ENPEP: variants seen among roughly 807,000 people sequenced by gnomAD.
ENPEP encodes AP-A.
In ENPEP, 103 loss-of-function variants were observed where a neutral mutation model predicts 114.5. The ratio of observed to expected loss-of-function variants is 0.90; its 90% CI spans 0.77 to 1.06. ENPEP has a LOEUF of 1.06. ENPEP is among the 50% of genes least tolerant of loss of function. The pLI, the probability that ENPEP is intolerant of heterozygous loss-of-function variation, is 0.00. For synonymous variants in ENPEP, 420 were observed against 422.0 expected (o/e 1.00, Z 0.06); for missense variants, 1,196 against 1,161.3 (o/e 1.03, Z -0.43).
chr4:110,527,073 G>A (rs1396098190), intron 10 of ENPEP, among the ~76,000 whole-genome samples: 2 of 152,056 alleles, frequency 1.3e-5, no homozygotes, highest in East Asian at 1.9e-4. Flanking sequence ...CCTGTTTCCT[G>A]GATTACAATT....
intron 13 of ENPEP, among the ~76,000 whole-genome samples, chr4:110,544,730 T>C (rs1402719985): frequency 1.3e-5 from 2 of 152,238 alleles, no homozygotes; most frequent in East Asian, 3.9e-4. Flanking sequence ...TGCACCACAA[T>C]GTAGGAGGTC....
chr4:110,499,737 A>G (rs1363615871), intron 3 of ENPEP, among the ~76,000 whole-genome samples: 1 of 152,202 alleles, frequency 6.6e-6, no homozygotes, highest in African/African-American at 2.4e-5. Context: ...GATATTGCCA[A>G]ATTAGTTTGC....
chr4:110,535,499 G>A lies in ENPEP; in HGVS notation c.1807+4222G>A, dbSNP rs139657547. Among the ~76,000 whole-genome samples the A allele has an allele frequency of 6.7e-3, 1,026 of 152,300 alleles. 9 individuals are homozygous for A. Among genetic ancestry groups the A allele is most frequent in the Non-Finnish European group, 0.01 (692 of 68,014 alleles). ...GATGATTATGGGTTCAGTTTTGCTG[G>A]TTTAGAAACTCAATTTGTCAGTTCA... On this transcript the variant is annotated intron_variant, in intron 11 of 19. Transcript: ENST00000265162.
In ENPEP at chr4:110,521,852, C is replaced by T. The variant is rs76081598; in HGVS notation, c.1727+1486C>T. The stretch of plus-strand genomic sequence containing the variant: ...GAGAAGACAAATATGAACAGTCTAG[C>T]ACCCAACAGATAGGTGTTTTTATTT... On this transcript the variant is annotated intron_variant, in intron 10 of 19. Coordinates refer to ENST00000265162, the MANE Select transcript of ENPEP (RefSeq NM_001977.4). Among the ~76,000 whole-genome samples, 1,095 of 151,678 alleles carry T rather than the reference C, an allele frequency of 7.2e-3. 9 individuals are homozygous for T. The highest frequency in any genetic ancestry group is 0.025 in the African/African-American group (1,040 of 41,392).
chr4:110,561,360 A>G (rs760277451), intron 19 of ENPEP, 46 bp from the exon 20 acceptor site: 3 of 1,590,316 alleles, frequency 1.9e-6, no homozygotes, highest in South Asian at 1.1e-5. Context: ...TTGAAGACTA[A>G]TTTGGCTATA....
intron 2 of ENPEP, among the ~76,000 whole-genome samples, chr4:110,490,686 C>T (rs1252835886): frequency 1.3e-5 from 2 of 152,104 alleles, no homozygotes; most frequent in South Asian, 2.1e-4. Flanking sequence ...TATCTGAGCA[C>T]GAGTCTGTTT....
intron 2 of ENPEP, 54 bp downstream of exon 2, chr4:110,488,736 G>A: frequency 1.3e-6 from 2 of 1,545,228 alleles, no homozygotes; most frequent in South Asian, 2.5e-5. Flanking sequence ...ACAACATTAG[G>A]CCAGTTACCT....
chr4:110,506,922 C>T (rs897211341), intron 4 of ENPEP, among the ~76,000 whole-genome samples, 165 bp downstream of exon 4: 12 of 152,172 alleles, frequency 7.9e-5, no homozygotes, highest in South Asian at 2.1e-4. Flanking sequence ...GCCTCGGCCT[C>T]CCAAAATGCT....
At chr4:110,541,650 CT>C (rs1202016326) in intron 11 of ENPEP, among the ~76,000 whole-genome samples, 1 of 152,224 alleles carries the variant, frequency 6.6e-6, no homozygotes, top group East Asian at 1.9e-4. Context: ...GCTTAAAACT[CT>C]TTTCCCCTCT....
chr4:110,561,374 G>T, intron 19 of ENPEP, 32 bp from the exon 20 acceptor site: 2 of 1,604,378 alleles, frequency 1.2e-6, no homozygotes, highest in South Asian at 2.2e-5. Flanking sequence ...GGCTATAAAT[G>T]ACAATCCTAA....
intron 7 of ENPEP, among the ~76,000 whole-genome samples, chr4:110,515,046 A>G (rs1725709468): frequency 6.6e-6 from 1 of 152,034 alleles, no homozygotes; most frequent in South Asian, 2.1e-4. Context: ...AAAGAATGTG[A>G]TTTTTTAGAC....
intron 3 of ENPEP, among the ~76,000 whole-genome samples, chr4:110,493,012 A>G (rs1724786824): frequency 6.6e-6 from 1 of 152,238 alleles, no homozygotes; most frequent in Non-Finnish European, 1.5e-5. Flanking sequence ...AAAGATGACA[A>G]AGTCTCATAG....
intron 1 of ENPEP, 142 bp from the exon 2 acceptor site, chr4:110,488,399 T>C (rs1724580516): frequency 9.1e-7 from 1 of 1,097,798 alleles, no homozygotes. Flanking sequence ...AAATATTTGA[T>C]AGTCTTCTAG....
At chr4:110,490,543 A>T (rs1476346444) in intron 2 of ENPEP, among the ~76,000 whole-genome samples, 1 of 152,198 alleles carries the variant, frequency 6.6e-6, no homozygotes, top group East Asian at 1.9e-4. Flanking sequence ...CTCTCTGTCC[A>T]TGGAGACCGA....
chr4:110,498,810 T>A (rs1725045062), intron 3 of ENPEP, among the ~76,000 whole-genome samples: 1 of 152,222 alleles, frequency 6.6e-6, no homozygotes, highest in Admixed American at 6.5e-5. Flanking sequence ...TCTTTCAGGG[T>A]CTGTTTCAGG....
At chr4:110,484,867 C>A (rs116597713) in intron 1 of ENPEP, among the ~76,000 whole-genome samples, 1 of 150,978 alleles carries the variant, frequency 6.6e-6, no homozygotes, top group Non-Finnish European at 1.5e-5. Context: ...AGTGTAATTC[C>A]ACTTCCTCCT....
intron 13 of ENPEP, among the ~76,000 whole-genome samples, chr4:110,544,255 T>C (rs1313425897): frequency 1.3e-5 from 2 of 152,104 alleles, no homozygotes; most frequent in African/African-American, 4.8e-5. Context: ...ATAAGACTTC[T>C]GTGAGGAATA....
intron 19 of ENPEP, among the ~76,000 whole-genome samples, chr4:110,561,131 A>G (rs1421629548): frequency 6.6e-6 from 1 of 152,134 alleles, no homozygotes; most frequent in Non-Finnish European, 1.5e-5. Context: ...AGAAACAGAA[A>G]TGGGCATGCT....
chr4:110,515,366 C>T lies in ENPEP; in HGVS notation c.1444-11C>T. 6.2e-7 allele frequency: 1 copy of T among 1,604,500 alleles called. No homozygotes were observed. The highest frequency in any genetic ancestry group is 8.5e-7 in the Non-Finnish European group (1 of 1,175,738). On this transcript the variant is annotated splice_polypyrimidine_tract_variant and intron_variant, in intron 7 of 19. Coordinates refer to ENST00000265162, the MANE Select transcript of ENPEP (RefSeq NM_001977.4). The stretch of plus-strand genomic sequence containing the variant: ...TTATTAGTTTCATTTGTCTTTTTAT[C>T]CCCATTGTAGGGATCTTCTATTTTG...
Sources: allele counts gnomAD v4.1 joint callset (sites outside exome capture counted in the v4.1 genomes callset), GRCh38; gene constraint gnomAD v4.1.1; transcripts MANE v1.5; gene names NCBI Gene and HGNC (gene_info 2026-07-23, HGNC 2026-07-21).